The following UBE2Q2 variants were observed in gnomAD, a reference collection of about 807,000 sequenced individuals.
UBE2Q2 encodes ubiquitin-conjugating enzyme E2 Q2.
UBE2Q2 carries 54 observed loss-of-function variants against 59.9 expected under a neutral mutation model. That is an observed-to-expected ratio of 0.90 (90% CI 0.72 to 1.13). The LOEUF is 1.13. Among genes scored for constraint, UBE2Q2 ranks in the 50% most tolerant of loss-of-function variants. UBE2Q2 has a pLI of 0.00. For missense variants in UBE2Q2, 433 were observed against 441.9 expected, an observed-to-expected ratio of 0.98 and a Z score of 0.18; for synonymous variants, 165 against 155.2, an observed-to-expected ratio of 1.06 and a Z score of -0.47.
chr15:75,877,441 A>G (rs1379637466), intron 6 of UBE2Q2, among the ~76,000 whole-genome samples: 2 of 151,800 alleles, frequency 1.3e-5, no homozygotes, highest in Non-Finnish European at 2.9e-5. Flanking sequence ...TTTATTTTTA[A>G]ATGTTAAATA....
Position 75,868,932 on chromosome 15 carries a change from G to C in UBE2Q2, c.388-19G>C. ...ATATTTGTTCTGTATAGCCCTGGCA[G>C]ATTCTTTCTCTGTTTCAGAATGGGA... is the stretch of plus-strand genomic sequence containing the variant. On this transcript the variant is annotated intron_variant, in intron 3 of 12. Transcript: ENST00000267938. The C allele has an allele frequency of 6.2e-7, 1 of 1,612,230 alleles. No homozygotes were observed. The highest frequency in any genetic ancestry group is 8.5e-7 in the Non-Finnish European group (1 of 1,178,676).
intron 1 of UBE2Q2, among the ~76,000 whole-genome samples, chr15:75,846,356 G>A (rs1490470178): frequency 2.0e-5 from 3 of 152,088 alleles, no homozygotes; most frequent in Non-Finnish European, 4.4e-5. Context: ...TGCTGCCACC[G>A]CCTCCCGAGT....
At position 75,883,339 on chromosome 15, in the gene UBE2Q2, A is replaced by G; in HGVS notation, c.826-27A>G. 4 of 1,597,250 alleles carry G rather than the reference A, an allele frequency of 2.5e-6. No individual in the cohort carries two copies. The East Asian group carries it at 8.9e-5, about 36-fold the overall frequency. Reference sequence around the variant, plus strand: ...TAACACTAAGGATGTTCTTTAAATTAATTAAACTTGCTTATTTGCTTTTTA... The same window carrying G: ...TAACACTAAGGATGTTCTTTAAATTGATTAAACTTGCTTATTTGCTTTTTA... On this transcript the variant is annotated intron_variant, in intron 8 of 12. Coordinates refer to ENST00000267938, the MANE Select transcript of UBE2Q2 (RefSeq NM_173469.4).
Position 75,883,386 on chromosome 15 carries a change from T to C in UBE2Q2, c.846T>C (p.Pro282=). Residue 282 remains proline (P), a synonymous_variant, in exon 9 of 13, where the codon CCT becomes CCC. Coordinates refer to ENST00000267938, the MANE Select transcript of UBE2Q2 (RefSeq NM_173469.4). The part of the protein sequence containing the change: ...FSFKDNFPFD[P]PFVRVVLPVL... Reference sequence around the variant, plus strand: ...TTTAGGATAACTTTCCATTTGATCCTCCATTTGTTCGAGTGGTGTTACCTG... The same window carrying C: ...TTTAGGATAACTTTCCATTTGATCCCCCATTTGTTCGAGTGGTGTTACCTG... The C allele has an allele frequency of 6.2e-7, 1 of 1,613,428 alleles. No individual in the cohort carries two copies. The highest frequency in any genetic ancestry group is 8.5e-7 in the Non-Finnish European group (1 of 1,179,606).
At chr15:75,851,192 T>C (rs941595025) in intron 1 of UBE2Q2, among the ~76,000 whole-genome samples, 1 of 151,408 alleles carries the variant, frequency 6.6e-6, no homozygotes, top group Non-Finnish European at 1.5e-5. Flanking sequence ...AGTGCAGTGG[T>C]GTGATCACAG....
chr15:75,885,193 C>T (rs768576877), intron 9 of UBE2Q2, among the ~76,000 whole-genome samples: 1 of 151,976 alleles, frequency 6.6e-6, no homozygotes, highest in Non-Finnish European at 1.5e-5. Context: ...GATCTCAGCT[C>T]ACTGCAACCT....
intron 1 of UBE2Q2, chr15:75,844,161 C>T: frequency 4.2e-6 from 6 of 1,432,744 alleles, no homozygotes; most frequent in East Asian, 5.1e-5. Context: ...GGGTCCATGG[C>T]CGCCCTCAGC....
chr15:75,897,386 C>CT (rs1242918576), intron 12 of UBE2Q2, among the ~76,000 whole-genome samples: 2 of 151,556 alleles, frequency 1.3e-5, no homozygotes, highest in African/African-American at 4.8e-5. Context: ...CTACAGGTGC[C>CT]TTTTTTGTAT....
At chr15:75,858,828 G>T (rs2441928) in intron 2 of UBE2Q2, among the ~76,000 whole-genome samples, 14,978 of 152,214 alleles carry the variant, frequency 0.098, 1,874 homozygotes, top group African/African-American at 0.3. Context: ...CTTGGTTTCC[G>T]TTTAAGCATG....
chr15:75,854,269 T>TC (rs1177754937), intron 1 of UBE2Q2, 117 bp from the exon 2 acceptor site: 14 of 664,772 alleles, frequency 2.1e-5, no homozygotes, highest in Non-Finnish European at 3.2e-5. Context: ...TGTTGCCTTT[T>TC]CCCCCCATAC....
chr15:75,859,781 T>C (rs1897115489), intron 2 of UBE2Q2, 97 bp from the exon 3 acceptor site: 1 of 831,434 alleles, frequency 1.2e-6, no homozygotes, highest in Non-Finnish European at 1.8e-6. Context: ...ACAAACTTTT[T>C]CATTTCCTAC....
At chr15:75,897,577 TCAGA>T (rs1899502429) in intron 12 of UBE2Q2, among the ~76,000 whole-genome samples, 1 of 151,586 alleles carries the variant, frequency 6.6e-6, no homozygotes. Context: ...CCTAGGTATC[TCAGA>T]GTCAGAATCA....
At chr15:75,879,211 C>T in intron 8 of UBE2Q2, 23 bp downstream of exon 8, 11 of 1,417,702 alleles carry the variant, frequency 7.8e-6, no homozygotes, top group Non-Finnish European at 1.1e-5. Flanking sequence ...TTACAGGACC[C>T]CATATACTTC....
chr15:75,900,034 C>T lies in UBE2Q2; in HGVS notation c.*576C>T, dbSNP rs1353637948. ...TATGAATTGTTTCCTGAAGATAATA[C>T]TCTTAATTGAGTTGTATTGTACTTC... On this transcript the variant is annotated 3_prime_UTR_variant, in exon 13 of 13. Transcript: ENST00000267938. 6 of 152,598 alleles carry T rather than the reference C, an allele frequency of 3.9e-5. No individual in the cohort carries two copies. Among genetic ancestry groups the T allele is most frequent in the Non-Finnish European group, 1.5e-5 (1 of 68,062 alleles). The allele number at this position is 152,598 out of a possible 1,614,324, so 9.5% of individuals were successfully genotyped here.
At chr15:75,858,261 A>G (rs949972675) in intron 2 of UBE2Q2, among the ~76,000 whole-genome samples, 7 of 152,170 alleles carry the variant, frequency 4.6e-5, no homozygotes, top group Non-Finnish European at 8.8e-5. Flanking sequence ...TGTAAATCAT[A>G]TATGTTAGGG....
At chr15:75,888,677 G>A (rs952360178) in intron 9 of UBE2Q2, among the ~76,000 whole-genome samples, 7 of 152,154 alleles carry the variant, frequency 4.6e-5, no homozygotes, top group East Asian at 3.8e-4. Context: ...TTTAGGTGTC[G>A]ATGCTGCTGA....
chr15:75,879,280 T>C (rs1567035182), intron 8 of UBE2Q2, 92 bp downstream of exon 8: 2 of 697,502 alleles, frequency 2.9e-6, no homozygotes, highest in African/African-American at 1.8e-5. Context: ...AAGTAGAAGA[T>C]ACTCATACCC....
chr15:75,849,802 CTG>C (rs1328103167), intron 1 of UBE2Q2, among the ~76,000 whole-genome samples: 2 of 152,146 alleles, frequency 1.3e-5, no homozygotes, highest in Admixed American at 6.5e-5. Context: ...GTTTTCATAA[CTG>C]TGGTGAAAAA....
chr15:75,858,243 T>C (rs1055617458), intron 2 of UBE2Q2, among the ~76,000 whole-genome samples: 17 of 152,360 alleles, frequency 1.1e-4, no homozygotes, highest in African/African-American at 4.1e-4. Flanking sequence ...CAAACCCATA[T>C]ATCTGTCTGT....
Sources: gnomAD v4.1 joint callset for allele counts (sites outside exome capture counted in the v4.1 genomes callset) on GRCh38, gnomAD v4.1.1 for gene constraint, MANE v1.5 for transcripts, NCBI Gene and HGNC (gene_info 2026-07-23, HGNC 2026-07-21) for gene names.